The following DIAPH2 variants were observed in gnomAD, a reference collection of about 807,000 sequenced individuals.
The protein encoded by DIAPH2 is diaphanous related formin 2.
In DIAPH2, 35 loss-of-function variants were observed where a neutral mutation model predicts 92.7. The ratio of observed to expected loss-of-function variants is 0.38; its 90% CI spans 0.29 to 0.50. The LOEUF (loss-of-function observed/expected upper bound fraction) is 0.50, where lower values mean the gene tolerates loss of function less well. Ranked by LOEUF, DIAPH2 falls within the 20% of genes least tolerant of loss-of-function variation. DIAPH2 has a pLI of 0.94. For synonymous variants in DIAPH2, 301 were observed against 280.4 expected (o/e 1.07, Z -0.73); for missense variants, 701 against 819.5 (o/e 0.86, Z 1.77).
At chrX:97,051,864 A>G (rs755377993) in intron 17 of DIAPH2, among the ~76,000 whole-genome samples, 1 of 112,130 alleles carries the variant, frequency 8.9e-6, no homozygotes, top group Admixed American at 9.5e-5. Context: ...GCTCAAAAAT[A>G]AAAGCTGTCA....
chrX:97,495,708 G>A (rs189051316), intron 26 of DIAPH2, among the ~76,000 whole-genome samples: 161 of 111,873 alleles, frequency 1.4e-3, no homozygotes, highest in African/African-American at 4.9e-3. Flanking sequence ...AGAAAGAGAG[G>A]TGATAAAAGT....
intron 25 of DIAPH2, among the ~76,000 whole-genome samples, chrX:97,425,103 T>C (rs1319893234): frequency 8.9e-6 from 1 of 112,363 alleles, no homozygotes; most frequent in Non-Finnish European, 1.9e-5. Flanking sequence ...CTTTTCTACA[T>C]AGTCTTTATA....
intron 4 of DIAPH2, among the ~76,000 whole-genome samples, chrX:96,847,629 TA>T (rs780112767): frequency 8.4e-4 from 84 of 100,217 alleles, no homozygotes; most frequent in East Asian, 6.8e-3. Context: ...GGTTGCTCTT[TA>T]AAAAAAAAAA....
intron 4 of DIAPH2, among the ~76,000 whole-genome samples, chrX:96,822,857 ATTC>A (rs2064787822): frequency 8.9e-6 from 1 of 112,471 alleles, no homozygotes; most frequent in East Asian, 2.8e-4. Context: ...CTTTATGAGT[ATTC>A]TTATATAGCA....
At chrX:97,465,907 C>T (rs1484705256) in intron 26 of DIAPH2, among the ~76,000 whole-genome samples, 1 of 111,399 alleles carries the variant, frequency 9.0e-6, no homozygotes, top group African/African-American at 3.3e-5. Context: ...AGGCTGGTCT[C>T]GAACTCCTGA....
chrX:97,468,608 T>C (rs1207632649), intron 26 of DIAPH2, among the ~76,000 whole-genome samples: 1 of 98,977 alleles, frequency 1.0e-5, no homozygotes, highest in East Asian at 3.2e-4. Context: ...TGATTGAGCA[T>C]GACTAGAAGA....
At chrX:96,975,970 A>G (rs1660047391) in intron 17 of DIAPH2, among the ~76,000 whole-genome samples, 1 of 108,291 alleles carries the variant, frequency 9.2e-6, no homozygotes, top group East Asian at 3.0e-4. Flanking sequence ...CCTGTACATA[A>G]TTTCTTTTCT....
intron 26 of DIAPH2, among the ~76,000 whole-genome samples, chrX:97,485,014 A>G (rs1294590815): frequency 8.9e-6 from 1 of 112,693 alleles, no homozygotes; most frequent in Non-Finnish European, 1.9e-5. Context: ...TCTTATTAAT[A>G]CCAACTCTAT....
At chrX:96,701,127 C>A (rs1028586147) in intron 1 of DIAPH2, among the ~76,000 whole-genome samples, 1 of 111,655 alleles carries the variant, frequency 9.0e-6, no homozygotes, top group Non-Finnish European at 1.9e-5. Flanking sequence ...ATGATCATTT[C>A]ATTCCCCTTC....
intron 4 of DIAPH2, among the ~76,000 whole-genome samples, chrX:96,866,648 T>G (rs1320612101): frequency 8.9e-6 from 1 of 112,333 alleles, no homozygotes; most frequent in Non-Finnish European, 1.9e-5. Flanking sequence ...GTACTTTTTA[T>G]TCTTTGCTGT....
intron 9 of DIAPH2, among the ~76,000 whole-genome samples, chrX:96,922,645 G>T (rs1322627207): frequency 4.5e-5 from 5 of 111,418 alleles, no homozygotes; most frequent in African/African-American, 1.3e-4. Context: ...TTTTCATTGT[G>T]GTCCTAACTT....
At position 97,292,072 on chromosome X, in the gene DIAPH2, A is replaced by ATT. The variant is rs34226875; in HGVS notation, c.2844+44250_2844+44251dup. On this transcript the variant is annotated intron_variant, in intron 23 of 26. Coordinates refer to ENST00000324765, the MANE Select transcript of DIAPH2 (RefSeq NM_006729.5). Reference sequence around the variant, plus strand: ...GTTTTATTAGCTACTTATAGAAGCAATTTTTTTTTTTTTTTTTTGAGACAG... The same window carrying ATT: ...GTTTTATTAGCTACTTATAGAAGCAATTTTTTTTTTTTTTTTTTTTGAGACAG... Among the ~76,000 whole-genome samples the ATT allele has an allele frequency of 5.4e-3, 461 of 84,958 alleles. 3 individuals carry two copies. Among genetic ancestry groups the ATT allele is most frequent in the African/African-American group, 0.014 (340 of 24,338 alleles). 73.8% of individuals were successfully genotyped at this position (84,958 alleles called of 115,157 possible). A position where few individuals can be genotyped will look rare whatever the true frequency, so the allele number is the denominator to read the frequency against.
chrX:97,202,463 G>A (rs1320121060), intron 22 of DIAPH2, among the ~76,000 whole-genome samples: 35 of 111,574 alleles, frequency 3.1e-4, no homozygotes, highest in Middle Eastern at 9.3e-3. Context: ...AAGGGATGGA[G>A]GAGTATTTAC....
At chrX:97,029,634 T>C (rs1391332831) in intron 17 of DIAPH2, among the ~76,000 whole-genome samples, 3 of 111,783 alleles carry the variant, frequency 2.7e-5, no homozygotes, top group Non-Finnish European at 5.6e-5. Context: ...TGTTTTCCTC[T>C]AATAATTTCA....
At chrX:97,301,011 T>C (rs1440031498) in intron 23 of DIAPH2, among the ~76,000 whole-genome samples, 1 of 63,687 alleles carries the variant, frequency 1.6e-5, no homozygotes, top group Non-Finnish European at 3.0e-5. Context: ...ATTGTGAAAA[T>C]TTAAGTAATT....
chrX:97,245,194 A>G (rs2068130759), intron 22 of DIAPH2, among the ~76,000 whole-genome samples: 1 of 110,587 alleles, frequency 9.0e-6, no homozygotes, highest in African/African-American at 3.3e-5. Flanking sequence ...TCTGGAGAAG[A>G]GTGGCATGAT....
At chrX:97,195,660 CAAAA>C (rs35918745) in intron 22 of DIAPH2, among the ~76,000 whole-genome samples, 2 of 52,636 alleles carry the variant, frequency 3.8e-5, no homozygotes, top group African/African-American at 1.6e-4. Flanking sequence ...GACTCCGTCT[CAAAA>C]AAAAAAAAAA....
rs971300034 is a variant in DIAPH2 at position 96,961,670 on chromosome X, A to G, written c.1936-3423A>G. Reference sequence around the variant, plus strand: ...TTTTTCGAAGTAGTTGTTTATTGCTATGAACATCCCTCTTAGCATTGCTTT... The same window carrying G: ...TTTTTCGAAGTAGTTGTTTATTGCTGTGAACATCCCTCTTAGCATTGCTTT... On this transcript the variant is annotated intron_variant, in intron 16 of 26. Transcript: ENST00000324765. 3.6e-5 allele frequency among the ~76,000 whole-genome samples: 4 copies of G among 109,818 alleles called. No homozygotes were observed. The South Asian group carries it at 1.6e-3, about 43-fold the overall frequency.
At chrX:97,391,019 A>T (rs1388794213) in intron 25 of DIAPH2, among the ~76,000 whole-genome samples, 1 of 112,070 alleles carries the variant, frequency 8.9e-6, no homozygotes, top group East Asian at 2.8e-4. Flanking sequence ...AAATATTATT[A>T]TTATTTATTG....
Sources: gnomAD v4.1 joint callset for allele counts (sites outside exome capture counted in the v4.1 genomes callset) on GRCh38, gnomAD v4.1.1 for gene constraint, MANE v1.5 for transcripts, NCBI Gene and HGNC (gene_info 2026-07-23, HGNC 2026-07-21) for gene names.